RPUSD2: variants seen among roughly 807,000 people sequenced by gnomAD.
The protein encoded by RPUSD2 is RNA pseudouridine synthase domain containing 2.
A neutral mutation model predicts 41.5 loss-of-function variants in RPUSD2; 31 were observed. The ratio of observed to expected loss-of-function variants is 0.75; its 90% CI spans 0.56 to 1.01. The LOEUF is 1.01. Ranked by LOEUF, RPUSD2 falls within the 50% of genes least tolerant of loss-of-function variation. The probability of loss-of-function intolerance (pLI) is 0.00; values close to 1 mark genes in which losing one functional copy is unlikely to be tolerated. For missense variants in RPUSD2, 749 were observed against 724.7 expected, an observed-to-expected ratio of 1.03 and a Z score of -0.38; for synonymous variants, 305 against 289.7, an observed-to-expected ratio of 1.05 and a Z score of -0.54.
chr15:40,573,415 G>A, intron 2 of RPUSD2, 112 bp from the exon 3 acceptor site: 1 of 1,200,070 alleles, frequency 8.3e-7, no homozygotes, highest in South Asian at 1.5e-5. Flanking sequence ...ACTGGCGAAT[G>A]GTAGAGCTGG....
Position 40,573,623 on chromosome 15 carries a change from G to C in RPUSD2, c.1000G>C (p.Val334Leu), listed in dbSNP as rs202233745. 275 of 1,614,082 alleles carry C rather than the reference G, an allele frequency of 1.7e-4. No individual in the cohort carries two copies. Among genetic ancestry groups the C allele is most frequent in the Non-Finnish European group, 2.2e-4 (263 of 1,180,036 alleles). The change falls in exon 3 of 3, where the codon GTG (valine) becomes CTG (leucine). Residue 334 changes from valine (V) to leucine (L), a missense_variant. By Grantham distance (32) the Val-to-Leu change is conservative (BLOSUM62 1). Coordinates refer to ENST00000315616, the MANE Select transcript of RPUSD2 (RefSeq NM_152260.3). ...PILVVSYKVG[V>L]CRVDPRGKPC... ...CTTAGTGGTGTCTTACAAAGTAGGG[G>C]TGTGCCGTGTAGATCCCCGGGGCAA...
intron 1 of RPUSD2, among the ~76,000 whole-genome samples, chr15:40,571,050 T>C (rs1891126569): frequency 6.6e-6 from 1 of 152,062 alleles, no homozygotes; most frequent in African/African-American, 2.4e-5. Flanking sequence ...TGGCGTGTAG[T>C]GGCGCGATCT....
chr15:40,574,153 G>T lies in RPUSD2; in HGVS notation c.1530G>T (p.Leu510Phe), dbSNP rs1198765974. 6 of 1,614,050 alleles carry T rather than the reference G, an allele frequency of 3.7e-6. No homozygotes were observed. Among genetic ancestry groups the T allele is most frequent in the African/African-American group, 1.3e-5 (1 of 74,906 alleles). ...AECRLVRQDPLPQDLVMFLHA... is the reference protein window; with the variant it reads ...AECRLVRQDPFPQDLVMFLHA... Reference sequence around the variant, plus strand: ...GCCGGCTGGTGCGACAGGATCCCTTGCCCCAAGACCTTGTGATGTTCCTAC... The same window carrying T: ...GCCGGCTGGTGCGACAGGATCCCTTTCCCCAAGACCTTGTGATGTTCCTAC... The change falls in exon 3 of 3, where the codon TTG becomes TTT. Residue 510 changes from leucine to phenylalanine, a missense_variant. Physicochemically the swap from Leu to Phe is conservative, Grantham distance 22 (BLOSUM62 0). Transcript: ENST00000315616.
chr15:40,571,542 A>G, intron 1 of RPUSD2, 62 bp from the exon 2 acceptor site: 1 of 1,483,504 alleles, frequency 6.7e-7, no homozygotes, highest in Non-Finnish European at 9.3e-7. Context: ...GAAGCTGGAT[A>G]TGAAGTTGAC....
chr15:40,570,037 G>A (rs942340445), intron 1 of RPUSD2, 94 bp downstream of exon 1: 60 of 861,940 alleles, frequency 7.0e-5, no homozygotes, highest in Non-Finnish European at 9.0e-5. Flanking sequence ...GTAAAGCATA[G>A]GTACTGGATT....
In RPUSD2 at chr15:40,571,649, G is replaced by A; in HGVS notation, c.652G>A (p.Val218Ile). The A allele has an allele frequency of 6.2e-7, 1 of 1,614,234 alleles. No individual in the cohort carries two copies. The highest frequency in any genetic ancestry group is 8.5e-7 in the Non-Finnish European group (1 of 1,180,028). ...RNTVHRHEPP[V>I]TAEPIRLLAE... The stretch of plus-strand genomic sequence containing the variant: ...CACAGTGCACAGGCATGAGCCACCA[G>A]TCACAGCAGAGCCCATTCGCCTGCT... The change falls in exon 2 of 3, where the codon GTC (valine) becomes ATC (isoleucine). Residue 218 changes from valine to isoleucine, a missense_variant. Transcript: ENST00000315616.
rs1404062781 is a variant in RPUSD2, at chr15:40,571,645, ACCAGTCACAGCAGAGCC to A, written c.650_666del (p.Pro217HisfsTer6). On this transcript the variant is annotated frameshift_variant, in exon 2 of 3. Coordinates refer to ENST00000315616, the MANE Select transcript of RPUSD2 (RefSeq NM_152260.3). LOFTEE classifies it high-confidence loss of function. ...GGAACACAGTGCACAGGCATGAGCC[ACCAGTCACAGCAGAGCC>A]CATTCGCCTGCTAGCTGAGAACGAA... is the stretch of plus-strand genomic sequence containing the variant. 8 of 1,614,122 alleles carry A rather than the reference ACCAGTCACAGCAGAGCC, an allele frequency of 5.0e-6. No individual in the cohort carries two copies. Among genetic ancestry groups the A allele is most frequent in the Admixed American group, 1.7e-5 (1 of 60,008 alleles).
Position 40,574,433 on chromosome 15 carries a change from G to T in RPUSD2, c.*172G>T. 7.1e-6 allele frequency: 5 copies of T among 704,328 alleles called. No homozygotes were observed. Among genetic ancestry groups the T allele is most frequent in the African/African-American group, 1.8e-5 (1 of 56,470 alleles). 43.6% of individuals were successfully genotyped at this position (704,328 alleles called of 1,614,324 possible). A position where few individuals can be genotyped will look rare whatever the true frequency, so the allele number is the denominator to read the frequency against. On this transcript the variant is annotated 3_prime_UTR_variant, in exon 3 of 3. Coordinates refer to ENST00000315616, the MANE Select transcript of RPUSD2 (RefSeq NM_152260.3). ...CCAGTGGGAATTTGGAGACTTTTTG[G>T]TTTGTAAATATATCCCTTTTTCTAA...
Position 40,573,850 on chromosome 15 carries a change from G to A in RPUSD2, c.1227G>A (p.Glu409=), listed in dbSNP as rs746466088. The change falls in exon 3 of 3, where the codon GAG becomes GAA. Residue 409 remains glutamate, a synonymous_variant. Transcript: ENST00000315616. The part of the protein sequence containing the change: ...GRGGYIPKTN[E]ELLRDLVAEH... ...GCGGCTACATTCCCAAGACAAACGA[G>A]GAGTTGCTACGGGACCTGGTAGCAG... The A allele has an allele frequency of 3.1e-6, 5 of 1,614,172 alleles. No homozygotes were observed. In the East Asian group the frequency reaches 6.7e-5, roughly 22 times the overall value.
chr15:40,569,399 G>C lies in RPUSD2; in HGVS notation c.62G>C (p.Arg21Pro), dbSNP rs200134510. 6.5e-7 allele frequency: 1 copy of C among 1,530,928 alleles called. No homozygotes were observed. 94.8% of individuals were successfully genotyped at this position (1,530,928 alleles called of 1,614,324 possible). A position where few individuals can be genotyped will look rare whatever the true frequency, so the allele number is the denominator to read the frequency against. ...VLGHWRYDLR[R>P]PSFTRTWSGD... ...GGACATTGGCGCTACGACCTTAGGC[G>C]CCCTAGCTTTACCAGGACTTGGAGT... Residue 21 changes from arginine (R) to proline (P), a missense_variant, in exon 1 of 3, where the codon CGC becomes CCC. By Grantham distance (103) the Arg-to-Pro change is moderately radical (BLOSUM62 -2). Transcript: ENST00000315616.
Position 40,574,431 on chromosome 15 carries a change from TG to T in RPUSD2, c.*172del, listed in dbSNP as rs1257799395. 1.3e-6 allele frequency: 1 copy of T among 741,794 alleles called. No individual in the cohort carries two copies. Among genetic ancestry groups the T allele is most frequent in the African/African-American group, 1.7e-5 (1 of 57,240 alleles). The allele number at this position is 741,794 out of a possible 1,614,324, so 46.0% of individuals were successfully genotyped here. A position where few individuals can be genotyped will look rare whatever the true frequency, so the allele number is the denominator to read the frequency against. On this transcript the variant is annotated 3_prime_UTR_variant, in exon 3 of 3. Coordinates refer to ENST00000315616, the MANE Select transcript of RPUSD2 (RefSeq NM_152260.3). The stretch of plus-strand genomic sequence containing the variant: ...TTCCAGTGGGAATTTGGAGACTTTT[TG>T]GTTTGTAAATATATCCCTTTTTCTA...
In RPUSD2 at chr15:40,569,781, C is replaced by A. The variant is rs1891096953; in HGVS notation, c.444C>A (p.Asp148Glu). The change falls in exon 1 of 3, where the codon GAC becomes GAA. Residue 148 changes from aspartate (D) to glutamate (E), a missense_variant. By Grantham distance (45) the Asp-to-Glu change is conservative. Transcript: ENST00000315616. ...GTAAGGTGCGGCCCTATTACTTTGA[C>A]TTCCGGACCTACTGCAAAGGTCGCT... Reference protein sequence around the residue: ...GLRKVRPYYFDFRTYCKGRWV... With the variant: ...GLRKVRPYYFEFRTYCKGRWV... The A allele has an allele frequency of 6.2e-7, 1 of 1,612,390 alleles. No homozygotes were observed. The highest frequency in any genetic ancestry group is 1.3e-5 in the African/African-American group (1 of 74,934).
At chr15:40,572,224 T>TA (rs1234698029) in intron 2 of RPUSD2, among the ~76,000 whole-genome samples, 1 of 130,194 alleles carries the variant, frequency 7.7e-6, no homozygotes, top group African/African-American at 3.0e-5. Context: ...GCCCAGGAGG[T>TA]AGAGACCAGC....
Position 40,573,505 on chromosome 15 carries a change from C to CTCCCTCT in RPUSD2, c.904-15_904-9dup. 1.9e-6 allele frequency: 3 copies of CTCCCTCT among 1,592,960 alleles called. No homozygotes were observed. The South Asian group carries it at 3.5e-5, about 18-fold the overall frequency. On this transcript the variant is annotated intron_variant, in intron 2 of 2. Transcript: ENST00000315616. ...TGAATTTAGGCTTTGTACTGACTTTCTCCCTCTTCCCTCCTATGTAGCTGG... is the reference window on the plus strand; with the variant it reads ...TGAATTTAGGCTTTGTACTGACTTTCTCCCTCTTCCCTCTTCCCTCCTATGTAGCTGG...
chr15:40,572,987 A>G (rs1891173012), intron 2 of RPUSD2, among the ~76,000 whole-genome samples: 1 of 151,168 alleles, frequency 6.6e-6, no homozygotes, highest in South Asian at 2.1e-4. Flanking sequence ...TGCTTATCAC[A>G]GCCCAATGAG....
At chr15:40,572,418 T>G (rs921286400) in intron 2 of RPUSD2, among the ~76,000 whole-genome samples, 1 of 151,898 alleles carries the variant, frequency 6.6e-6, no homozygotes, top group Admixed American at 6.6e-5. Context: ...TACAAAAAAT[T>G]AGCTGGGCGT....
rs1891098708 is a variant in RPUSD2 at position 40,569,819 on chromosome 15, G to C, written c.482G>C (p.Ser161Thr). 1 of 1,613,440 alleles carries C rather than the reference G, an allele frequency of 6.2e-7. No individual in the cohort carries two copies. Among genetic ancestry groups the C allele is most frequent in the Non-Finnish European group, 8.5e-7 (1 of 1,179,834 alleles). ...TYCKGRWVGHSLLHVFSTEFR... is the reference protein window; with the variant it reads ...TYCKGRWVGHTLLHVFSTEFR... ...TGCAAAGGTCGCTGGGTGGGCCACAGCTTGCTGCACGTCTTCAGTACCGAG... is the reference window on the plus strand; with the variant it reads ...TGCAAAGGTCGCTGGGTGGGCCACACCTTGCTGCACGTCTTCAGTACCGAG... The change falls in exon 1 of 3, where the codon AGC (serine) becomes ACC (threonine). Residue 161 changes from serine to threonine, a missense_variant. Ser to Thr is a moderately conservative substitution (Grantham distance 58, BLOSUM62 1). Coordinates refer to ENST00000315616, the MANE Select transcript of RPUSD2 (RefSeq NM_152260.3).
chr15:40,570,536 A>G (rs1218108311), intron 1 of RPUSD2, among the ~76,000 whole-genome samples: 2 of 152,176 alleles, frequency 1.3e-5, no homozygotes, highest in Non-Finnish European at 2.9e-5. Flanking sequence ...TAGAGACTAG[A>G]ATTGTTTAGC....
chr15:40,571,078 C>T (rs555102584), intron 1 of RPUSD2, among the ~76,000 whole-genome samples: 35 of 152,094 alleles, frequency 2.3e-4, no homozygotes, highest in African/African-American at 8.0e-4. Context: ...CTGCAACCTC[C>T]GCCTCCCAGG....
Sources: allele counts gnomAD v4.1 joint callset (sites outside exome capture counted in the v4.1 genomes callset), GRCh38; gene constraint gnomAD v4.1.1; transcripts MANE v1.5; gene names NCBI Gene and HGNC (gene_info 2026-07-23, HGNC 2026-07-21).